The following RTKN2 variants were observed in gnomAD, a reference collection of about 807,000 sequenced individuals.
RTKN2 encodes the protein rhotekin-2.
RTKN2 carries 69 observed loss-of-function variants against 71.5 expected under a neutral mutation model. That is an observed-to-expected ratio of 0.96 (90% confidence interval 0.79 to 1.18). The LOEUF (loss-of-function observed/expected upper bound fraction) is 1.18. RTKN2 is among the 50% of genes most tolerant of loss of function. The probability of loss-of-function intolerance (pLI) is 0.00; values close to 1 mark genes in which losing one functional copy is unlikely to be tolerated. For missense variants in RTKN2, 724 were observed against 719.7 expected (o/e 1.01, Z -0.07); for synonymous variants, 236 against 236.5 (o/e 1.00, Z 0.02).
intron 2 of RTKN2, among the ~76,000 whole-genome samples, chr10:62,251,414 G>A (rs1000572031): frequency 3.9e-5 from 6 of 152,114 alleles, no homozygotes; most frequent in Admixed American, 2.6e-4. Flanking sequence ...GTGGTTTCAG[G>A]AATCCAGGAA....
intron 2 of RTKN2, among the ~76,000 whole-genome samples, chr10:62,253,932 C>CA (rs1842626652): frequency 6.6e-6 from 1 of 151,922 alleles, no homozygotes; most frequent in African/African-American, 2.4e-5. Context: ...CCAGAACAGG[C>CA]AAAATTAACC....
downstream of RTKN2, among the ~76,000 whole-genome samples, chr10:62,192,946 G>C (rs1029457683): frequency 1.3e-5 from 2 of 151,958 alleles, no homozygotes; most frequent in African/African-American, 4.8e-5. Context: ...ATGTGTATGA[G>C]TATGTATGTA....
At chr10:62,247,335 G>C (rs1440633765) in intron 2 of RTKN2, among the ~76,000 whole-genome samples, 1 of 151,824 alleles carries the variant, frequency 6.6e-6, no homozygotes, top group Non-Finnish European at 1.5e-5. Context: ...CATATATTTT[G>C]AATGAGCTAA....
Position 62,194,319 on chromosome 10 carries a change from G to A in RTKN2, c.*3589C>T. ...TTTAACTATTAATAGCAATGAAGCA[G>A]TTGCACACAAACATGTAAACATATG... On this transcript the variant is annotated 3_prime_UTR_variant, in exon 12 of 12. Coordinates refer to ENST00000373789, the MANE Select transcript of RTKN2 (RefSeq NM_145307.4). 1 of 984,036 alleles carries A rather than the reference G, an allele frequency of 1.0e-6. No homozygotes were observed. The highest frequency in any genetic ancestry group is 1.2e-6 in the Non-Finnish European group (1 of 828,698). The allele number at this position is 984,036 out of a possible 1,614,324, so 61.0% of individuals were successfully genotyped here.
Position 62,197,375 on chromosome 10 carries a change from A to G in RTKN2, c.*533T>C, listed in dbSNP as rs1047544913. The G allele has an allele frequency of 5.1e-6, 5 of 985,446 alleles. No homozygotes were observed. The highest frequency in any genetic ancestry group is 1.7e-5 in the African/African-American group (1 of 57,230). The allele number at this position is 985,446 out of a possible 1,614,324, so 61.0% of individuals were successfully genotyped here. The stretch of plus-strand genomic sequence containing the variant: ...ATTTATCCCAGGAATTTAAAAGGTC[A>G]GGCCTATAAACTAGTGAGTTAAACA... On this transcript the variant is annotated 3_prime_UTR_variant, in exon 12 of 12. Coordinates refer to ENST00000373789, the MANE Select transcript of RTKN2 (RefSeq NM_145307.4).
At position 62,236,146 on chromosome 10, in the gene RTKN2, A is replaced by T. The variant is rs1842254045; in HGVS notation, c.606T>A (p.Ser202Arg). The change falls in exon 6 of 12, where the codon AGT becomes AGA. Residue 202 changes from serine (S) to arginine (R), a missense_variant. Ser to Arg is a moderately radical substitution (Grantham distance 110, BLOSUM62 -1). Transcript: ENST00000373789. The stretch of plus-strand genomic sequence containing the variant: ...AACTTATTTTCTTTCCTGTAGCTTT[A>T]CTTATAGATGTCTTGAGTTTCTTAG... Reference protein sequence around the residue: ...KLAKKLKTSISKATGKKISSV... With the variant: ...KLAKKLKTSIRKATGKKISSV... The T allele has an allele frequency of 6.2e-7, 1 of 1,612,338 alleles. No homozygotes were observed. Among genetic ancestry groups the T allele is most frequent in the Admixed American group, 1.7e-5 (1 of 59,846 alleles).
intron 1 of RTKN2, among the ~76,000 whole-genome samples, chr10:62,267,493 T>G (rs1387401408): frequency 6.6e-6 from 1 of 152,184 alleles, no homozygotes; most frequent in African/African-American, 2.4e-5. Context: ...TGAAAAAAAG[T>G]ACATCAAAAT....
Position 62,265,323 on chromosome 10 carries a change from A to G in RTKN2, c.61-2502T>C, listed in dbSNP as rs117824176. On this transcript the variant is annotated intron_variant, in intron 1 of 11. Transcript: ENST00000373789. ...TTGTCTATGGCTCCTTTAAGCTACA[A>G]GGGCAGAGTTGAGCAACTTCAACAG... Among the ~76,000 whole-genome samples, 34 of 152,304 alleles carry G rather than the reference A, an allele frequency of 2.2e-4. No individual in the cohort carries two copies. The East Asian group carries it at 6.2e-3, about 28-fold the overall frequency.
chr10:62,189,597 G>T (rs1021792961), downstream of RTKN2, among the ~76,000 whole-genome samples: 1 of 152,068 alleles, frequency 6.6e-6, no homozygotes, highest in Non-Finnish European at 1.5e-5. Flanking sequence ...AGGCTGAGGC[G>T]GGCAGATCAC....
Position 62,217,168 on chromosome 10 carries a change from C to G in RTKN2, c.970G>C (p.Glu324Gln). ...GGTTCCACTTTAGCTTCAATTTCCTCTGGACTGTAAAAACAATAGAGTTTA... is the reference window on the plus strand; with the variant it reads ...GGTTCCACTTTAGCTTCAATTTCCTGTGGACTGTAAAAACAATAGAGTTTA... Reference protein sequence around the residue: ...GGKLYCFYSPEEIEAKVEPAL... With the variant: ...GGKLYCFYSPQEIEAKVEPAL... The change falls in exon 9 of 12, where the codon GAG becomes CAG. Residue 324 changes from glutamate (E) to glutamine (Q), a missense_variant. Coordinates refer to ENST00000373789, the MANE Select transcript of RTKN2 (RefSeq NM_145307.4). 1 of 1,604,182 alleles carries G rather than the reference C, an allele frequency of 6.2e-7. No homozygotes were observed. Among genetic ancestry groups the G allele is most frequent in the South Asian group, 1.1e-5 (1 of 89,160 alleles).
intron 9 of RTKN2, among the ~76,000 whole-genome samples, chr10:62,211,714 G>A (rs936221914): frequency 6.6e-6 from 1 of 152,144 alleles, no homozygotes; most frequent in Non-Finnish European, 1.5e-5. Flanking sequence ...AGGCTGGAGT[G>A]CAGTGGCACA....
In RTKN2 at chr10:62,196,183, T is replaced by A; in HGVS notation, c.*1725A>T. The A allele has an allele frequency of 1.0e-6, 1 of 979,158 alleles. No individual in the cohort carries two copies. The highest frequency in any genetic ancestry group is 1.2e-6 in the Non-Finnish European group (1 of 824,318). The allele number at this position is 979,158 out of a possible 1,614,324, so 60.7% of individuals were successfully genotyped here. A position where few individuals can be genotyped will look rare whatever the true frequency, so the allele number is the denominator to read the frequency against. On this transcript the variant is annotated 3_prime_UTR_variant, in exon 12 of 12. Transcript: ENST00000373789. ...GAAGTTTTAAAAAATAACCCAAAAA[T>A]TCAAACAATAATATCCTTTAGATTT...
At chr10:62,263,112 T>A (rs1842804593) in intron 1 of RTKN2, among the ~76,000 whole-genome samples, 1 of 152,174 alleles carries the variant, frequency 6.6e-6, no homozygotes, top group African/African-American at 2.4e-5. Context: ...CCTCCAAAAT[T>A]TATGTCCATC....
intron 8 of RTKN2, among the ~76,000 whole-genome samples, chr10:62,186,093 C>G (rs1263951939): frequency 6.6e-6 from 1 of 152,202 alleles, no homozygotes; most frequent in Admixed American, 6.5e-5. Context: ...TGGCTGGAGA[C>G]TGTATGGTGT....
At chr10:62,187,310 A>G (rs187132608) in intron 8 of RTKN2, among the ~76,000 whole-genome samples, 17 of 152,218 alleles carry the variant, frequency 1.1e-4, no homozygotes, top group Admixed American at 7.2e-4. Context: ...ATAGGGAAAA[A>G]GTTCAGTTGA....
chr10:62,217,277 G>T (rs1226044683), intron 8 of RTKN2, 28 bp from the exon 9 acceptor site: 3 of 1,434,592 alleles, frequency 2.1e-6, no homozygotes, highest in South Asian at 3.0e-5. Flanking sequence ...AAAATCAAGA[G>T]ACTATCAATT....
In RTKN2 at chr10:62,197,797, AT is replaced by A. The variant is rs974686380; in HGVS notation, c.*110del. ...TTCTATACCTAATAGCTTATTAATT[AT>A]TGGTATAAATCACTATATTTACCTA... On this transcript the variant is annotated 3_prime_UTR_variant, in exon 12 of 12. Coordinates refer to ENST00000373789, the MANE Select transcript of RTKN2 (RefSeq NM_145307.4). 7.0e-7 allele frequency: 1 copy of A among 1,431,104 alleles called. No individual in the cohort carries two copies. The highest frequency in any genetic ancestry group is 9.2e-7 in the Non-Finnish European group (1 of 1,090,344). The allele number at this position is 1,431,104 out of a possible 1,614,324, so 88.7% of individuals were successfully genotyped here.
chr10:62,260,263 A>T (rs1462431042), intron 2 of RTKN2, among the ~76,000 whole-genome samples: 1 of 152,224 alleles, frequency 6.6e-6, no homozygotes, highest in East Asian at 1.9e-4. Flanking sequence ...CACAGGGCTT[A>T]ATAAGTGTTC....
chr10:62,218,268 T>C lies in RTKN2; in HGVS notation c.815A>G (p.Asn272Ser). 6.2e-7 allele frequency: 1 copy of C among 1,613,584 alleles called. No homozygotes were observed. The change falls in exon 8 of 12, where the codon AAC (asparagine) becomes AGC (serine). Residue 272 changes from asparagine (N) to serine (S), a missense_variant. Asn to Ser is a conservative substitution (Grantham distance 46). Transcript: ENST00000373789. The stretch of plus-strand genomic sequence containing the variant: ...CTGGGCAACTAGTCGGCAGCACATG[T>C]TGCCATACAGGGGAAGCCAAAATGA... ...ESSFWLPLYG[N>S]MCCRLVAQPA... is the part of the protein sequence containing the mutation.
Sources: allele counts gnomAD v4.1 joint callset (sites outside exome capture counted in the v4.1 genomes callset), GRCh38; gene constraint gnomAD v4.1.1; transcripts MANE v1.5; gene names NCBI Gene and HGNC (gene_info 2026-07-23, HGNC 2026-07-21).